Variants in SMARCA2 observed in about 807,000 individuals in gnomAD.
SMARCA2 encodes the protein SWI/SNF related BAF chromatin remodeling complex subunit ATPase 2.
SMARCA2 carries 61 observed loss-of-function variants against 199.8 expected under a neutral mutation model. The observed-to-expected ratio is 0.31, with a 90% CI of 0.25 to 0.38. SMARCA2 has a LOEUF of 0.38. SMARCA2 is among the 10% of genes least tolerant of loss of function. The pLI is 1.00. For synonymous variants in SMARCA2, 935 were observed against 732.0 expected (o/e 1.28, Z -4.48); for missense variants, 1,344 against 2,012.2 (o/e 0.67, Z 6.35).
chr9:2,117,609 T>C (rs1333138661), intron 25 of SMARCA2, among the ~76,000 whole-genome samples: 1 of 152,228 alleles, frequency 6.6e-6, no homozygotes, highest in Non-Finnish European at 1.5e-5. Context: ...TTTGCTTATT[T>C]GTTTTGTGTA....
chr9:2,184,720 T>G (rs1452764973), intron 31 of SMARCA2, among the ~76,000 whole-genome samples: 1 of 152,108 alleles, frequency 6.6e-6, no homozygotes, highest in Non-Finnish European at 1.5e-5. Context: ...TATTCTTGCC[T>G]CCTCATCTTT....
intron 9 of SMARCA2, among the ~76,000 whole-genome samples, chr9:2,065,825 T>C (rs138134964): frequency 1.3e-3 from 201 of 152,298 alleles, no homozygotes; most frequent in Middle Eastern, 6.8e-3. Context: ...TAGGAACTAT[T>C]GTAAGGATAG....
chr9:2,090,856 A>AT (rs916090853), intron 19 of SMARCA2, among the ~76,000 whole-genome samples: 1,486 of 143,394 alleles, frequency 0.01, 26 homozygotes, highest in African/African-American at 0.033. Context: ...CCTTGTTAGG[A>AT]TTTTTTTTTT....
chr9:2,114,068 GA>G (rs1423296151), intron 24 of SMARCA2, among the ~76,000 whole-genome samples: 3 of 152,200 alleles, frequency 2.0e-5, no homozygotes, highest in African/African-American at 7.2e-5. Flanking sequence ...AGGAGATAGT[GA>G]AAAGCCTCAT....
At chr9:2,159,029 A>G (rs1275779349) in intron 27 of SMARCA2, 4 of 1,601,480 alleles carry the variant, frequency 2.5e-6, no homozygotes, top group Non-Finnish European at 3.4e-6. Context: ...ATTTAATAAG[A>G]ATCTGCACGT....
Position 2,054,621 on chromosome 9 carries a change from G to A in SMARCA2, c.1071G>A (p.Arg357=). The A allele has an allele frequency of 6.2e-7, 1 of 1,613,972 alleles. No individual in the cohort carries two copies. Among genetic ancestry groups the A allele is most frequent in the African/African-American group, 1.3e-5 (1 of 75,030 alleles). The change falls in exon 6 of 34, where the codon AGG becomes AGA. Residue 357 remains arginine (R), a synonymous_variant. Transcript: ENST00000349721. ...GACTTCAGGCCCGCATAGCTCATAG[G>A]ATACAAGAACTGGAAAATCTGCCTG... ...EYRLQARIAH[R]IQELENLPGS... is the part of the protein sequence containing the mutation.
intron 15 of SMARCA2, among the ~76,000 whole-genome samples, chr9:2,083,072 T>A (rs1191200959): frequency 2.6e-5 from 4 of 152,186 alleles, no homozygotes; most frequent in African/African-American, 9.6e-5. Context: ...TTTAATATCA[T>A]ATTACAGTTT....
chr9:2,168,019 C>CT (rs1188124487), intron 28 of SMARCA2, among the ~76,000 whole-genome samples: 1 of 145,940 alleles, frequency 6.9e-6, no homozygotes, highest in Non-Finnish European at 1.5e-5. Context: ...GGGAAATGAG[C>CT]TTTTTTTCTT....
chr9:2,083,219 T>A (rs185757544), intron 15 of SMARCA2, 128 bp from the exon 16 acceptor site: 87 of 503,832 alleles, frequency 1.7e-4, no homozygotes, highest in African/African-American at 1.6e-3. Flanking sequence ...AATAAATATC[T>A]TGTTGAGATA....
intron 32 of SMARCA2, among the ~76,000 whole-genome samples, chr9:2,189,570 A>G (rs185668095): frequency 1.3e-5 from 2 of 151,980 alleles, no homozygotes; most frequent in African/African-American, 2.4e-5. Flanking sequence ...TCTTTCATCT[A>G]TTTCTTTCGA....
At chr9:2,097,059 TC>T (rs1177597940) in intron 20 of SMARCA2, 5 of 494,144 alleles carry the variant, frequency 1.0e-5, no homozygotes, top group African/African-American at 5.8e-5. Context: ...GGTTTTAAAA[TC>T]CAGTTTCACT....
intron 28 of SMARCA2, among the ~76,000 whole-genome samples, chr9:2,168,422 A>T (rs566112555): frequency 6.6e-6 from 1 of 152,162 alleles, no homozygotes; most frequent in Non-Finnish European, 1.5e-5. Context: ...AATTTGCAGC[A>T]TTTTTCTCAT....
At chr9:2,070,377 C>T (rs74548926) in intron 9 of SMARCA2, 41 bp from the exon 10 acceptor site, 3 of 1,567,716 alleles carry the variant, frequency 1.9e-6, no homozygotes, top group Non-Finnish European at 2.6e-6. Context: ...TGTACCCCAT[C>T]ATCTTGGTTA....
At chr9:2,191,216 A>T (rs753406406) in intron 32 of SMARCA2, 50 bp from the exon 33 acceptor site, 3 of 1,582,528 alleles carry the variant, frequency 1.9e-6, no homozygotes, top group Non-Finnish European at 2.6e-6. Flanking sequence ...CTATACAAAG[A>T]TCTCCTTGTG....
At chr9:2,137,743 C>G (rs1824270416) in intron 27 of SMARCA2, among the ~76,000 whole-genome samples, 1 of 152,100 alleles carries the variant, frequency 6.6e-6, no homozygotes, top group Admixed American at 6.6e-5. Flanking sequence ...GTACCTGCAG[C>G]AGGACTTTAT....
rs1821819690 is a variant in SMARCA2, at chr9:2,086,771, G to C, written c.2527-58G>C. ...TTTTCCGCACCACCACTTGCTTGTT[G>C]GAAATAGTTGTATTTTCCCTTGCTT... On this transcript the variant is annotated intron_variant, in intron 17 of 33. Coordinates refer to ENST00000349721, the MANE Select transcript of SMARCA2 (RefSeq NM_003070.5). This position sits in a 1 kb window ranked among gnomAD's most constrained non-coding sequence, Gnocchi z 4.3. 3.8e-6 allele frequency: 6 copies of C among 1,597,690 alleles called. No individual in the cohort carries two copies. The highest frequency in any genetic ancestry group is 5.1e-6 in the Non-Finnish European group (6 of 1,170,260).
At chr9:2,140,546 G>A (rs1316925508) in intron 27 of SMARCA2, among the ~76,000 whole-genome samples, 1 of 152,112 alleles carries the variant, frequency 6.6e-6, no homozygotes, top group Non-Finnish European at 1.5e-5. Context: ...ACCCCCAAAC[G>A]CCTGAAGCTT....
intron 27 of SMARCA2, among the ~76,000 whole-genome samples, chr9:2,140,921 A>AG (rs1041281925): frequency 6.6e-6 from 1 of 151,588 alleles, no homozygotes; most frequent in Non-Finnish European, 1.5e-5. Flanking sequence ...TTTTTTTTTA[A>AG]GGGCCATTAA....
chr9:2,094,142 A>G (rs192601361), intron 19 of SMARCA2, among the ~76,000 whole-genome samples: 105 of 152,332 alleles, frequency 6.9e-4, no homozygotes, highest in African/African-American at 2.4e-3. Context: ...GACAAGTACA[A>G]AAACAAACCA....
Sources: gnomAD v4.1 joint callset for allele counts (sites outside exome capture counted in the v4.1 genomes callset) on GRCh38, gnomAD v4.1.1 for gene constraint, Gnocchi (gnomAD v3.1) non-coding constraint, MANE v1.5 for transcripts, NCBI Gene and HGNC (gene_info 2026-07-23, HGNC 2026-07-21) for gene names.